NPAS2: variants seen among roughly 807,000 people sequenced by gnomAD.
NPAS2 encodes the protein neuronal PAS domain protein 2, also known as neuronal PAS domain-containing protein 2.
In NPAS2, 23 loss-of-function variants were observed where a neutral mutation model predicts 107.5. That is an observed-to-expected ratio of 0.21 (90% CI 0.15 to 0.30). The LOEUF is 0.30. Among genes scored for constraint, NPAS2 ranks in the 10% least tolerant of loss-of-function variants. NPAS2 has a pLI of 1.00. For synonymous variants in NPAS2, 403 were observed against 417.5 expected (o/e 0.97, Z 0.42); for missense variants, 756 against 1,043.3 (o/e 0.72, Z 3.79).
chr2:100,882,391 C>T (rs1232654948), intron 1 of NPAS2, among the ~76,000 whole-genome samples: 12 of 152,134 alleles, frequency 7.9e-5, no homozygotes, highest in Non-Finnish European at 1.6e-4. Context: ...GGGCGGATCA[C>T]AAGGTCAGGA....
rs746802840 is a variant in NPAS2, at chr2:100,995,541, AGTCT to A, written c.2440_2443del (p.Glu815ArgfsTer22). On this transcript the variant is annotated frameshift_variant, in exon 21 of 21. Transcript: ENST00000335681. LOFTEE classifies it high-confidence loss of function. The stretch of plus-strand genomic sequence containing the variant: ...CCTACGTCCTCCCCGAAGGGTCAGC[AGTCT>A]GTCTGAGTCGTCAGGCCTCCAGCAG... 1.2e-6 allele frequency: 2 copies of A among 1,610,632 alleles called. No individual in the cohort carries two copies. The highest frequency in any genetic ancestry group is 2.2e-5 in the South Asian group (2 of 90,788).
At chr2:100,909,898 T>A (rs1249434238) in intron 2 of NPAS2, among the ~76,000 whole-genome samples, 3 of 152,186 alleles carry the variant, frequency 2.0e-5, no homozygotes, top group Non-Finnish European at 4.4e-5. Context: ...AGAATGCTAA[T>A]TCTTCCTGTA....
intron 15 of NPAS2, among the ~76,000 whole-genome samples, chr2:100,979,262 GTTT>G (rs1243771118): frequency 1.3e-5 from 2 of 151,712 alleles, no homozygotes; most frequent in Non-Finnish European, 2.9e-5. Flanking sequence ...CCTGAATACT[GTTT>G]TTCTCTTTAA....
intron 1 of NPAS2, chr2:100,877,826 C>A: frequency 2.5e-6 from 1 of 395,374 alleles, no homozygotes; most frequent in Non-Finnish European, 3.4e-6. Context: ...GTGTCTTCAG[C>A]CGGTGCATCC....
chr2:100,952,495 C>T (rs1262265222), intron 7 of NPAS2, among the ~76,000 whole-genome samples: 7 of 151,856 alleles, frequency 4.6e-5, no homozygotes, highest in Non-Finnish European at 8.8e-5. Context: ...ACCTGGGAGG[C>T]GGAAGTTGCA....
At chr2:100,848,249 G>T (rs1677909583) in intron 1 of NPAS2, among the ~76,000 whole-genome samples, 1 of 152,152 alleles carries the variant, frequency 6.6e-6, no homozygotes, top group Non-Finnish European at 1.5e-5. Context: ...GTCCTCAGTG[G>T]TCTGCCCAGC....
rs568997765 is a variant in NPAS2, at chr2:100,951,581, G to A, written c.598+2101G>A. Among the ~76,000 whole-genome samples the A allele has an allele frequency of 8.3e-4, 126 of 152,280 alleles. 3 individuals carry two copies. The South Asian group carries it at 0.026, about 31-fold the overall frequency. On this transcript the variant is annotated intron_variant, in intron 7 of 20. Transcript: ENST00000335681. ...TTATGCTGAGTGAAATAAGCCAACA[G>A]CAAAGGACAAATATTGTATGATTTT...
In NPAS2 at chr2:100,995,786, T is replaced by G. The variant is rs1190466611; in HGVS notation, c.*204T>G. The G allele has an allele frequency of 1.9e-6, 3 of 1,547,738 alleles. No homozygotes were observed. Among genetic ancestry groups the G allele is most frequent in the South Asian group, 2.4e-5 (2 of 83,190 alleles). On this transcript the variant is annotated 3_prime_UTR_variant, in exon 21 of 21. Coordinates refer to ENST00000335681, the MANE Select transcript of NPAS2 (RefSeq NM_002518.4). Reference sequence around the variant, plus strand: ...TCAGGAATACTGACCGTGTTTCTCTTGCCTCCGAGGTTCTTGGGCACACTC... The same window carrying G: ...TCAGGAATACTGACCGTGTTTCTCTGGCCTCCGAGGTTCTTGGGCACACTC...
intron 1 of NPAS2, among the ~76,000 whole-genome samples, chr2:100,896,127 TTTA>T (rs1681396405): frequency 6.6e-6 from 1 of 152,166 alleles, no homozygotes; most frequent in Admixed American, 6.5e-5. Context: ...TGCTGGGTCC[TTTA>T]TTGCACACAT....
chr2:100,840,657 T>C lies in NPAS2; in HGVS notation c.-23+20243T>C, dbSNP rs1433523564. On this transcript the variant is annotated intron_variant, in intron 1 of 20. Coordinates refer to ENST00000335681, the MANE Select transcript of NPAS2 (RefSeq NM_002518.4). Reference sequence around the variant, plus strand: ...CAACCTGATGTTCCTGAGGCTTTGTTTGGGGTTTAGAATCTGGAATTCCAG... The same window carrying C: ...CAACCTGATGTTCCTGAGGCTTTGTCTGGGGTTTAGAATCTGGAATTCCAG... Among the ~76,000 whole-genome samples, 3 of 151,848 alleles carry C rather than the reference T, an allele frequency of 2.0e-5. No homozygotes were observed. In the East Asian group the frequency reaches 5.8e-4, roughly 29 times the overall value.
intron 1 of NPAS2, among the ~76,000 whole-genome samples, chr2:100,840,293 C>G (rs1677315847): frequency 6.6e-6 from 1 of 152,148 alleles, no homozygotes; most frequent in Non-Finnish European, 1.5e-5. Flanking sequence ...CGGTGTGGCT[C>G]TCCTTCACTT....
chr2:100,820,290 C>A lies in NPAS2; in HGVS notation c.-147C>A. The A allele has an allele frequency of 6.9e-6, 1 of 145,936 alleles. No homozygotes were observed. The highest frequency in any genetic ancestry group is 1.8e-4 in the South Asian group (1 of 5,440). The allele number at this position is 145,936 out of a possible 1,614,324, so 9.0% of individuals were successfully genotyped here. On this transcript the variant is annotated 5_prime_UTR_variant, in exon 1 of 21. Coordinates refer to ENST00000335681, the MANE Select transcript of NPAS2 (RefSeq NM_002518.4). The surrounding 1 kb of genome is among the most constrained non-coding windows in gnomAD (Gnocchi z 5.6). The stretch of plus-strand genomic sequence containing the variant: ...GCGGCAGCAGCTAGAGCAGCGCCTC[C>A]CGCCGCCGCCCGGGAGGAGCTCGCC...
At chr2:100,877,533 G>C (rs1275878771) in intron 1 of NPAS2, among the ~76,000 whole-genome samples, 1 of 151,272 alleles carries the variant, frequency 6.6e-6, no homozygotes, top group African/African-American at 2.4e-5. Context: ...CTTTACAGTT[G>C]GAGCCATGCA....
rs148154111 is a variant in NPAS2, at chr2:100,827,391, C to T, written c.-23+6977C>T. On this transcript the variant is annotated intron_variant, in intron 1 of 20. Transcript: ENST00000335681. Reference sequence around the variant, plus strand: ...ATTTGCTGTATTCTTTTAATTTTTTCGACTTTTATTTTAGATTCAGGGGAT... The same window carrying T: ...ATTTGCTGTATTCTTTTAATTTTTTTGACTTTTATTTTAGATTCAGGGGAT... 5.8e-3 allele frequency among the ~76,000 whole-genome samples: 877 copies of T among 152,200 alleles called. 8 individuals are homozygous for T. Among genetic ancestry groups the T allele is most frequent in the African/African-American group, 0.019 (792 of 41,538 alleles).
chr2:100,940,560 G>A (rs938840768), intron 5 of NPAS2, among the ~76,000 whole-genome samples: 9 of 152,306 alleles, frequency 5.9e-5, no homozygotes, highest in East Asian at 1.9e-4. Context: ...ACTCACATGC[G>A]TTAATATGTG....
chr2:100,979,980 A>G (rs1043590406), intron 15 of NPAS2, among the ~76,000 whole-genome samples: 9 of 152,216 alleles, frequency 5.9e-5, no homozygotes, highest in Non-Finnish European at 1.2e-4. Flanking sequence ...GAAAGAAGGG[A>G]AAAATGAAAT....
chr2:100,970,278 C>T (rs1676462649), intron 11 of NPAS2, among the ~76,000 whole-genome samples: 1 of 152,230 alleles, frequency 6.6e-6, no homozygotes, highest in African/African-American at 2.4e-5. Flanking sequence ...AGCTCTTCTT[C>T]TCCATCCTCC....
chr2:100,920,797 G>A (rs916901760), intron 2 of NPAS2, among the ~76,000 whole-genome samples: 1 of 152,232 alleles, frequency 6.6e-6, no homozygotes, highest in Non-Finnish European at 1.5e-5. Flanking sequence ...TTGGCCAAGC[G>A]AAGGGGCAGG....
At position 100,976,453 on chromosome 2, in the gene NPAS2, C is replaced by A. The variant is rs1677015861; in HGVS notation, c.1392+886C>A. Among the ~76,000 whole-genome samples, 1 of 152,066 alleles carries A rather than the reference C, an allele frequency of 6.6e-6. No individual in the cohort carries two copies. ...GTCATATAGTATCACCACTGCCATA[C>A]CTCTTGGTCAAAGCAGCCCTGAGCT... On this transcript the variant is annotated intron_variant, in intron 14 of 20. Transcript: ENST00000335681. This position sits in a 1 kb window ranked among gnomAD's most constrained non-coding sequence, Gnocchi z 4.1.
Sources: gnomAD v4.1 joint callset for allele counts (sites outside exome capture counted in the v4.1 genomes callset) on GRCh38, gnomAD v4.1.1 for gene constraint, Gnocchi (gnomAD v3.1) non-coding constraint, MANE v1.5 for transcripts, NCBI Gene and HGNC (gene_info 2026-07-23, HGNC 2026-07-21) for gene names.